The following LINGO2 variants were observed in gnomAD, a reference collection of about 807,000 sequenced individuals.
The protein encoded by LINGO2 is leucine-rich repeat and immunoglobulin-like domain-containing nogo receptor-interacting protein 2.
Under a neutral mutation model 30.6 loss-of-function variants are expected in LINGO2, and 14 were observed. The ratio of observed to expected loss-of-function variants is 0.46; its 90% CI spans 0.30 to 0.72. The LOEUF (loss-of-function observed/expected upper bound fraction) is 0.72, where lower values mean the gene tolerates loss of function less well. Among genes scored for constraint, LINGO2 ranks in the 30% least tolerant of loss-of-function variants. The probability of loss-of-function intolerance (pLI) is 0.07; values close to 1 mark genes in which losing one functional copy is unlikely to be tolerated. For synonymous variants in LINGO2, 317 were observed against 288.5 expected (o/e 1.10, Z -1.00); for missense variants, 729 against 751.7 (o/e 0.97, Z 0.35).
At chr9:29,142,662 T>C in the LINGO2 span, among the ~76,000 whole-genome samples, 3 of 151,918 alleles carry the variant, frequency 2.0e-5, no homozygotes, top group Admixed American at 6.6e-5. Flanking sequence ...ATAAAGGCCA[T>C]ATATGAAAAT....
chr9:28,382,575 TG>T (rs974363923), intron 2 of LINGO2, among the ~76,000 whole-genome samples: 2 of 152,112 alleles, frequency 1.3e-5, no homozygotes, highest in South Asian at 2.1e-4. Flanking sequence ...TTGAATCTCA[TG>T]GGGGGCCATT....
the LINGO2 span, among the ~76,000 whole-genome samples, chr9:29,098,025 T>A: frequency 1.3e-5 from 2 of 152,178 alleles, no homozygotes; most frequent in Non-Finnish European, 2.9e-5. Flanking sequence ...TATTTTATGT[T>A]TGACTTCTAG....
At chr9:28,284,904 C>A (rs1168569629) in intron 4 of LINGO2, among the ~76,000 whole-genome samples, 1 of 152,080 alleles carries the variant, frequency 6.6e-6, no homozygotes, top group Non-Finnish European at 1.5e-5. Flanking sequence ...GAGAGTATTA[C>A]CTCAAAGTCA....
intron 4 of LINGO2, among the ~76,000 whole-genome samples, chr9:28,144,306 G>A (rs1308491182): frequency 6.6e-6 from 1 of 152,102 alleles, no homozygotes; most frequent in East Asian, 1.9e-4. Context: ...GCCTATTACA[G>A]TATTTCTCAA....
At chr9:28,153,833 TG>T (rs34224680) in intron 4 of LINGO2, among the ~76,000 whole-genome samples, 2 of 152,118 alleles carry the variant, frequency 1.3e-5, no homozygotes, top group African/African-American at 4.8e-5. Context: ...ACAGTACAGA[TG>T]GGGGGGATAC....
rs1823881692 is a variant in LINGO2, at chr9:28,295,267, C to T, written c.-146G>A. ...GTCTCCCACACAAAGCTCTTGGCCA[C>T]TGGGTGAAATCCAAGCTGGGTAGTT... On this transcript the variant is annotated 5_prime_UTR_variant, in exon 4 of 6. The change creates a new upstream start codon in the 5' untranslated region. Transcript: ENST00000379992. 2 of 152,616 alleles carry T rather than the reference C, an allele frequency of 1.3e-5. No individual in the cohort carries two copies. The highest frequency in any genetic ancestry group is 4.8e-5 in the African/African-American group (2 of 41,436). 9.5% of individuals were successfully genotyped at this position (152,616 alleles called of 1,614,324 possible). A position where few individuals can be genotyped will look rare whatever the true frequency, so the allele number is the denominator to read the frequency against.
the LINGO2 span, among the ~76,000 whole-genome samples, chr9:28,835,667 C>T: frequency 6.6e-6 from 1 of 152,170 alleles, no homozygotes; most frequent in African/African-American, 2.4e-5. Context: ...ACAAGCAAGT[C>T]CTATTTTGCC....
At chr9:29,213,121 G>A in the LINGO2 span, among the ~76,000 whole-genome samples, 3 of 152,134 alleles carry the variant, frequency 2.0e-5, no homozygotes, top group Admixed American at 2.0e-4. Flanking sequence ...TGGAAATGGA[G>A]ACCGGGACCA....
the LINGO2 span, among the ~76,000 whole-genome samples, chr9:28,802,088 T>A: frequency 5.9e-5 from 9 of 151,892 alleles, no homozygotes; most frequent in Admixed American, 3.3e-4. Context: ...AATGTTTATA[T>A]GAATATTTAT....
intron 3 of LINGO2, 124 bp downstream of exon 5, chr9:28,372,712 T>C (rs1321467481): frequency 6.6e-6 from 1 of 152,592 alleles, no homozygotes; most frequent in Admixed American, 6.5e-5. Flanking sequence ...TTTAAACTGA[T>C]GGATATGTTA....
At chr9:28,536,024 G>A (rs906995419) in intron 1 of LINGO2, among the ~76,000 whole-genome samples, 2 of 152,014 alleles carry the variant, frequency 1.3e-5, no homozygotes, top group African/African-American at 2.4e-5. Context: ...TATTATTTTT[G>A]TTTTTAATAA....
the LINGO2 span, among the ~76,000 whole-genome samples, chr9:28,806,224 T>C: frequency 0.41 from 62,096 of 151,916 alleles, 13,644 homozygotes; most frequent in Middle Eastern, 0.52. Flanking sequence ...AGTTAAGTGA[T>C]TTCCCAGAAA....
the LINGO2 span, among the ~76,000 whole-genome samples, chr9:29,163,344 T>G: frequency 6.1e-4 from 93 of 152,324 alleles, 1 homozygote; most frequent in African/African-American, 2.2e-3. Context: ...CTTTCAATAT[T>G]AACTCTTCCT....
chr9:28,739,458 G>C, the LINGO2 span, among the ~76,000 whole-genome samples: 1 of 151,812 alleles, frequency 6.6e-6, no homozygotes, highest in Non-Finnish European at 1.5e-5. Context: ...AATGAAAAGA[G>C]TAAATACATA....
chr9:28,126,453 T>C (rs1827238788), intron 4 of LINGO2, among the ~76,000 whole-genome samples: 1 of 152,182 alleles, frequency 6.6e-6, no homozygotes, highest in Admixed American at 6.5e-5. Flanking sequence ...CTCTACCATC[T>C]TGTAGGGAAT....
intron 4 of LINGO2, among the ~76,000 whole-genome samples, chr9:28,121,202 A>G (rs1300134268): frequency 6.6e-6 from 1 of 152,160 alleles, no homozygotes; most frequent in African/African-American, 2.4e-5. Flanking sequence ...AATGCTAGAG[A>G]GCAATTGTAT....
intron 2 of LINGO2, among the ~76,000 whole-genome samples, chr9:28,433,966 T>TATATATACACAC: frequency 1.0e-5 from 1 of 99,992 alleles, no homozygotes; most frequent in Non-Finnish European, 2.4e-5. Context: ...TATATATATA[T>TATATATACACAC]ACACACACAC....
Position 28,645,041 on chromosome 9 carries a change from G to A in LINGO2, c.-365+25159C>T, listed in dbSNP as rs80085024. 7.6e-3 allele frequency among the ~76,000 whole-genome samples: 1,159 copies of A among 152,142 alleles called. 20 individuals are homozygous for A. The highest frequency in any genetic ancestry group is 0.026 in the African/African-American group (1,093 of 41,542). On this transcript the variant is annotated intron_variant, in intron 1 of 5. Coordinates refer to ENST00000379992, the Ensembl canonical transcript of LINGO2. Reference sequence around the variant, plus strand: ...TTATATCATGTGATAAATTTAGAGAGTATCTGTTAGTTTGATAAAAACCCT... The same window carrying A: ...TTATATCATGTGATAAATTTAGAGAATATCTGTTAGTTTGATAAAAACCCT...
At chr9:28,566,845 T>A (rs970356339) in intron 1 of LINGO2, among the ~76,000 whole-genome samples, 12 of 152,324 alleles carry the variant, frequency 7.9e-5, no homozygotes, top group Middle Eastern at 3.4e-3. Flanking sequence ...AATGGTATGC[T>A]TTCATCTAAA....
Sources: allele counts gnomAD v4.1 joint callset (sites outside exome capture counted in the v4.1 genomes callset), GRCh38; gene constraint gnomAD v4.1.1; transcripts MANE v1.5; gene names NCBI Gene and HGNC (gene_info 2026-07-23, HGNC 2026-07-21).